SLC71A1: variants seen among roughly 807,000 people sequenced by gnomAD.
The protein encoded by SLC71A1 is hippocampus abundant gene transcript 1.
chr1:100,040,069 A>G, the SLC71A1 span, among the ~76,000 whole-genome samples: 3 of 152,204 alleles, frequency 2.0e-5, no homozygotes, highest in African/African-American at 4.8e-5. Context: ...GGCTGTGAAC[A>G]TGGGGGCTAT....
the SLC71A1 span, chr1:100,067,988 AT>A: frequency 6.2e-7 from 1 of 1,614,042 alleles, no homozygotes. Flanking sequence ...TTTCAGCAAC[AT>A]TTGCTGCAAG....
the SLC71A1 span, chr1:100,059,793 A>C: frequency 7.9e-7 from 1 of 1,262,286 alleles, no homozygotes; most frequent in Non-Finnish European, 1.1e-6. Flanking sequence ...AGTTGTTGAA[A>C]ATTTTTCTAT....
the SLC71A1 span, among the ~76,000 whole-genome samples, chr1:100,041,730 C>T: frequency 0.013 from 2,036 of 152,218 alleles, 18 homozygotes; most frequent in Middle Eastern, 0.058. Context: ...CTGAGACTAG[C>T]CTGGCCAACA....
the SLC71A1 span, among the ~76,000 whole-genome samples, chr1:100,048,498 A>G: frequency 6.6e-6 from 1 of 151,368 alleles, no homozygotes; most frequent in Non-Finnish European, 1.5e-5. Flanking sequence ...TCTTTTTTTG[A>G]CCTTATATTA....
At chr1:100,048,626 C>G in the SLC71A1 span, among the ~76,000 whole-genome samples, 731 of 152,284 alleles carry the variant, frequency 4.8e-3, 4 homozygotes, top group Middle Eastern at 0.014. Context: ...TTCCTTTTAT[C>G]TTCCTCTTTT....
the SLC71A1 span, chr1:100,050,086 C>T: frequency 9.4e-6 from 7 of 745,616 alleles, no homozygotes; most frequent in East Asian, 1.5e-4. Flanking sequence ...GGCCTTTTCC[C>T]TTTGCACGGT....
chr1:100,057,148 G>A, the SLC71A1 span, among the ~76,000 whole-genome samples: 1 of 152,058 alleles, frequency 6.6e-6, no homozygotes, highest in Non-Finnish European at 1.5e-5. Flanking sequence ...TTGCTTTGCT[G>A]TGCAGCTTTA....
chr1:100,038,259 G>T, the SLC71A1 span: 1 of 1,560,628 alleles, frequency 6.4e-7, no homozygotes, highest in Non-Finnish European at 8.7e-7. Context: ...AGAAGAAACG[G>T]GCCGCGAACC....
chr1:100,074,382 C>T, the SLC71A1 span, among the ~76,000 whole-genome samples: 2 of 152,112 alleles, frequency 1.3e-5, no homozygotes, highest in African/African-American at 4.8e-5. Context: ...CGAGACCAGC[C>T]TGGCCAACAT....
chr1:100,058,781 G>A, the SLC71A1 span: 31 of 890,378 alleles, frequency 3.5e-5, no homozygotes, highest in African/African-American at 1.0e-4. Flanking sequence ...ACACATACAC[G>A]CACACGGATG....
the SLC71A1 span, among the ~76,000 whole-genome samples, chr1:100,046,250 A>C: frequency 1.1e-5 from 1 of 93,772 alleles, no homozygotes; most frequent in African/African-American, 3.9e-5. Context: ...TTTTTGAGAC[A>C]GAGTCTAGCT....
chr1:100,083,036 T>A, the SLC71A1 span: 4 of 152,560 alleles, frequency 2.6e-5, no homozygotes, highest in African/African-American at 9.7e-5. Context: ...TGTAGATAAA[T>A]ATATATAGTG....
chr1:100,067,951 CTCTG>C, the SLC71A1 span: 2 of 1,597,650 alleles, frequency 1.3e-6, no homozygotes, highest in Non-Finnish European at 1.7e-6. Flanking sequence ...CCTGACTAAT[CTCTG>C]TCTATCCTTA....
chr1:100,066,288 C>G, the SLC71A1 span, among the ~76,000 whole-genome samples: 1 of 152,138 alleles, frequency 6.6e-6, no homozygotes, highest in East Asian at 1.9e-4. Context: ...TCAGCTAGCC[C>G]TTCAGTATGT....
chr1:100,053,681 A>T, the SLC71A1 span, among the ~76,000 whole-genome samples: 1 of 152,184 alleles, frequency 6.6e-6, no homozygotes, highest in Non-Finnish European at 1.5e-5. Context: ...AACTAATGTG[A>T]CATTTTAAGA....
chr1:100,060,532 C>T, the SLC71A1 span, among the ~76,000 whole-genome samples: 1 of 152,164 alleles, frequency 6.6e-6, no homozygotes, highest in African/African-American at 2.4e-5. Context: ...TCATCTCTCA[C>T]CTCACTGAAC....
At chr1:100,065,433 G>A in the SLC71A1 span, among the ~76,000 whole-genome samples, 3 of 151,868 alleles carry the variant, frequency 2.0e-5, no homozygotes, top group Non-Finnish European at 4.4e-5. Flanking sequence ...GAAAGAATAT[G>A]GTCCTTTTCC....
the SLC71A1 span, among the ~76,000 whole-genome samples, chr1:100,046,562 T>A: frequency 6.6e-6 from 1 of 152,190 alleles, no homozygotes; most frequent in Non-Finnish European, 1.5e-5. Flanking sequence ...TTGCTTTGGC[T>A]GTTCTGGCTC....
chr1:100,059,517 T>TTA, the SLC71A1 span, among the ~76,000 whole-genome samples: 1 of 151,100 alleles, frequency 6.6e-6, no homozygotes, highest in Admixed American at 6.6e-5. Flanking sequence ...TTAGCCTGTT[T>TTA]TATATATATA....
Sources: gnomAD v4.1 joint callset for allele counts (sites outside exome capture counted in the v4.1 genomes callset) on GRCh38, gnomAD v4.1.1 for gene constraint, MANE v1.5 for transcripts, NCBI Gene and HGNC (gene_info 2026-07-23, HGNC 2026-07-21) for gene names.